ELMO1: variants seen among roughly 807,000 people sequenced by gnomAD.
ELMO1 encodes the protein engulfment and cell motility protein 1.
ELMO1 carries 26 observed loss-of-function variants against 98.9 expected under a neutral mutation model. The observed-to-expected ratio is 0.26, with a 90% confidence interval of 0.19 to 0.36. The LOEUF (loss-of-function observed/expected upper bound fraction) is 0.36, where lower values mean the gene tolerates loss of function less well. Among genes scored for constraint, ELMO1 ranks in the 10% least tolerant of loss-of-function variants. The pLI is 1.00. For synonymous variants in ELMO1, 346 were observed against 346.0 expected, an observed-to-expected ratio of 1.00 and a Z score of 0.00; for missense variants, 627 against 935.2, an observed-to-expected ratio of 0.67 and a Z score of 4.30.
chr7:37,440,373 C>T (rs1805354944), intron 1 of ELMO1, among the ~76,000 whole-genome samples: 1 of 150,232 alleles, frequency 6.7e-6, no homozygotes, highest in African/African-American at 2.5e-5. Context: ...ACCCAAGAGG[C>T]AGAGGTTACA....
At chr7:36,977,429 G>A (rs1423119148) in intron 16 of ELMO1, among the ~76,000 whole-genome samples, 1 of 152,194 alleles carries the variant, frequency 6.6e-6, no homozygotes, top group African/African-American at 2.4e-5. Flanking sequence ...ACACACAGTG[G>A]ATAGGATTAT....
intron 16 of ELMO1, among the ~76,000 whole-genome samples, chr7:36,950,886 C>T (rs766462086): frequency 6.6e-6 from 1 of 152,092 alleles, no homozygotes; most frequent in African/African-American, 2.4e-5. Flanking sequence ...AGAGGAAGGC[C>T]GAGAGGGCGT....
intron 16 of ELMO1, among the ~76,000 whole-genome samples, chr7:37,000,370 C>T (rs1162847101): frequency 6.6e-6 from 1 of 152,184 alleles, no homozygotes; most frequent in Non-Finnish European, 1.5e-5. Context: ...ATATGCCATA[C>T]ACCTCGGATC....
At chr7:36,940,872 G>A (rs544431422) in intron 16 of ELMO1, among the ~76,000 whole-genome samples, 5 of 152,160 alleles carry the variant, frequency 3.3e-5, no homozygotes, top group Admixed American at 6.5e-5. Flanking sequence ...CATTAACAGC[G>A]ACAGTTATAA....
intron 2 of ELMO1, among the ~76,000 whole-genome samples, chr7:37,331,121 G>C (rs1800079798): frequency 6.6e-6 from 1 of 151,520 alleles, no homozygotes; most frequent in Non-Finnish European, 1.5e-5. Flanking sequence ...TTTTCAGACT[G>C]TAGTTGGTTG....
intron 13 of ELMO1, among the ~76,000 whole-genome samples, chr7:37,174,604 A>G (rs1790398668): frequency 6.6e-6 from 1 of 152,160 alleles, no homozygotes; most frequent in African/African-American, 2.4e-5. Flanking sequence ...ATTGAGCTTA[A>G]GTGTCACTCC....
intron 1 of ELMO1, among the ~76,000 whole-genome samples, chr7:37,373,305 C>T (rs1436397779): frequency 6.6e-6 from 1 of 152,084 alleles, no homozygotes; most frequent in East Asian, 1.9e-4. Context: ...TTTATTTTTC[C>T]ATTAAAAGAA....
At chr7:37,298,135 T>C (rs138483423) in intron 4 of ELMO1, among the ~76,000 whole-genome samples, 20 of 152,272 alleles carry the variant, frequency 1.3e-4, no homozygotes, top group African/African-American at 4.6e-4. Flanking sequence ...ATACTAGTTG[T>C]ATTAAATCAG....
intron 18 of ELMO1, among the ~76,000 whole-genome samples, chr7:36,881,312 G>A (rs146772468): frequency 5.3e-5 from 8 of 152,182 alleles, no homozygotes; most frequent in African/African-American, 9.6e-5. Context: ...AGCACAGTGC[G>A]TCGACATGTT....
At chr7:37,447,271 C>T (rs1051324214) in intron 1 of ELMO1, among the ~76,000 whole-genome samples, 3 of 152,122 alleles carry the variant, frequency 2.0e-5, no homozygotes, top group African/African-American at 7.2e-5. Context: ...TAGCTTCATC[C>T]CCAAGTCACT....
At chr7:36,993,148 G>T (rs111726883) in intron 16 of ELMO1, among the ~76,000 whole-genome samples, 1 of 152,132 alleles carries the variant, frequency 6.6e-6, no homozygotes, top group Non-Finnish European at 1.5e-5. Flanking sequence ...TGTTCTGAAG[G>T]GGGTGGACAA....
intron 2 of ELMO1, among the ~76,000 whole-genome samples, chr7:37,321,374 T>C (rs1254215048): frequency 4.6e-5 from 7 of 152,110 alleles, no homozygotes; most frequent in Non-Finnish European, 7.4e-5. Flanking sequence ...AATATATTAA[T>C]ACCTTTCTGT....
chr7:37,302,676 C>T (rs1331380964), intron 4 of ELMO1, among the ~76,000 whole-genome samples: 1 of 152,046 alleles, frequency 6.6e-6, no homozygotes, highest in Admixed American at 6.6e-5. Context: ...AAGAGACAAG[C>T]CATCATGGAT....
At chr7:37,366,832 C>A (rs1801921035) in intron 1 of ELMO1, among the ~76,000 whole-genome samples, 1 of 152,232 alleles carries the variant, frequency 6.6e-6, no homozygotes, top group Non-Finnish European at 1.5e-5. Flanking sequence ...TTCTTCCCAT[C>A]AATCACTGAG....
At chr7:36,993,789 C>T (rs974214464) in intron 16 of ELMO1, among the ~76,000 whole-genome samples, 1 of 152,030 alleles carries the variant, frequency 6.6e-6, no homozygotes, top group Non-Finnish European at 1.5e-5. Context: ...AAAATGTATC[C>T]CTACCCCCAC....
At chr7:36,998,530 A>AAT (rs1004993201) in intron 16 of ELMO1, among the ~76,000 whole-genome samples, 1 of 152,020 alleles carries the variant, frequency 6.6e-6, no homozygotes, top group East Asian at 1.9e-4. Flanking sequence ...TACATATATA[A>AAT]ATATATATAT....
intron 1 of ELMO1, among the ~76,000 whole-genome samples, chr7:37,448,180 A>T (rs1438689110): frequency 1.3e-5 from 2 of 150,808 alleles, no homozygotes; most frequent in Non-Finnish European, 3.0e-5. Flanking sequence ...CCCCGAGTGC[A>T]GGAGAAGACG....
chr7:37,002,684 T>C (rs910042621), intron 16 of ELMO1, among the ~76,000 whole-genome samples: 16 of 152,206 alleles, frequency 1.1e-4, no homozygotes, highest in African/African-American at 3.4e-4. Context: ...AAAGAATGAA[T>C]AGCATTTGAA....
At chr7:37,219,010 G>A (rs1335106030) in intron 10 of ELMO1, among the ~76,000 whole-genome samples, 2 of 152,162 alleles carry the variant, frequency 1.3e-5, no homozygotes, top group Non-Finnish European at 2.9e-5. Flanking sequence ...CTGAATAATG[G>A]TAAAAGTTGT....
Sources: allele counts gnomAD v4.1 joint callset (sites outside exome capture counted in the v4.1 genomes callset), GRCh38; gene constraint gnomAD v4.1.1; transcripts MANE v1.5; gene names NCBI Gene and HGNC (gene_info 2026-07-23, HGNC 2026-07-21).